INVS: variants seen among roughly 807,000 people sequenced by gnomAD.
INVS encodes the protein inversin.
INVS carries 86 observed loss-of-function variants against 108.8 expected under a neutral mutation model. The ratio of observed to expected loss-of-function variants is 0.79; its 90% confidence interval spans 0.66 to 0.95. The LOEUF is 0.95. Ranked by LOEUF, INVS falls within the 40% of genes least tolerant of loss-of-function variation. The pLI, the probability that INVS is intolerant of heterozygous loss-of-function variation, is 0.00. For missense variants in INVS, 1,169 were observed against 1,297.4 expected (o/e 0.90, Z 1.52); for synonymous variants, 455 against 473.5 (o/e 0.96, Z 0.51).
At chr9:100,288,397 T>C (rs1206780547) in intron 13 of INVS, among the ~76,000 whole-genome samples, 2 of 152,220 alleles carry the variant, frequency 1.3e-5, no homozygotes, top group Admixed American at 6.5e-5. Flanking sequence ...AATAATGCGA[T>C]TATCTCAAAA....
In INVS at chr9:100,226,154, C is replaced by T. The variant is rs747606826; in HGVS notation, c.366C>T (p.Thr122=). 37 of 1,613,872 alleles carry T rather than the reference C, an allele frequency of 2.3e-5. No individual in the cohort carries two copies. Among genetic ancestry groups the T allele is most frequent in the Middle Eastern group, 3.3e-4 (2 of 6,084 alleles). The stretch of plus-strand genomic sequence containing the variant: ...AGATGACTCCTTTGCACTTGACCAC[C>T]CGGCACAGGAGCCCTAAGTGTTTGG... ...LEEMTPLHLT[T]RHRSPKCLAL... is the part of the protein sequence containing the mutation. The change falls in exon 4 of 17, where the codon ACC becomes ACT. Residue 122 remains threonine, a synonymous_variant. Coordinates refer to ENST00000262457, the MANE Select transcript of INVS (RefSeq NM_014425.5).
chr9:100,249,751 C>A (rs1004836406), intron 8 of INVS, among the ~76,000 whole-genome samples: 1 of 151,366 alleles, frequency 6.6e-6, no homozygotes, highest in African/African-American at 2.4e-5. Context: ...ACCTCGGCCT[C>A]CCAAAGTGCT....
chr9:100,260,198 T>C (rs13290330), intron 10 of INVS, among the ~76,000 whole-genome samples: 1,623 of 147,398 alleles, frequency 0.011, 20 homozygotes, highest in African/African-American at 0.016. Context: ...TTTTTTTTTT[T>C]TTTTTTTTGA....
intron 3 of INVS, among the ~76,000 whole-genome samples, chr9:100,136,658 T>G (rs1228655020): frequency 6.6e-6 from 1 of 152,118 alleles, no homozygotes; most frequent in Non-Finnish European, 1.5e-5. Context: ...TTGAACACGT[T>G]TAAATGTTAA....
chr9:100,104,947 T>G (rs1588000625), intron 2 of INVS, among the ~76,000 whole-genome samples: 1 of 152,288 alleles, frequency 6.6e-6, no homozygotes, highest in Non-Finnish European at 1.5e-5. Context: ...CTTTTAACAT[T>G]TAATATATAC....
chr9:100,112,192 G>A (rs936312271), intron 2 of INVS, among the ~76,000 whole-genome samples: 13 of 152,162 alleles, frequency 8.5e-5, no homozygotes, highest in African/African-American at 1.7e-4. Flanking sequence ...GACTGGTCTC[G>A]AACTCCTGAC....
chr9:100,276,578 A>C (rs547074112), intron 12 of INVS, among the ~76,000 whole-genome samples: 1 of 152,132 alleles, frequency 6.6e-6, no homozygotes, highest in Admixed American at 6.5e-5. Flanking sequence ...GCTCGATCTC[A>C]GCTCACTGCA....
chr9:100,258,309 C>A (rs1832492648), intron 10 of INVS, among the ~76,000 whole-genome samples: 1 of 152,120 alleles, frequency 6.6e-6, no homozygotes, highest in Non-Finnish European at 1.5e-5. Flanking sequence ...TTCGTCTAAT[C>A]TTTTTCCAAA....
At chr9:100,298,279 A>C (rs1833850044) in intron 16 of INVS, 2 of 1,334,520 alleles carry the variant, frequency 1.5e-6, no homozygotes, top group African/African-American at 3.0e-5. Flanking sequence ...TTTCACACAA[A>C]GGAAATAAAT....
intron 4 of INVS, among the ~76,000 whole-genome samples, chr9:100,226,766 T>C (rs919990039): frequency 3.8e-5 from 5 of 133,028 alleles, no homozygotes; most frequent in African/African-American, 1.4e-4. Context: ...TGAGCCCAGA[T>C]AGTGCCACTG....
chr9:100,128,411 G>A (rs781494778), intron 3 of INVS, among the ~76,000 whole-genome samples: 7 of 152,080 alleles, frequency 4.6e-5, no homozygotes, highest in Non-Finnish European at 1.0e-4. Context: ...CTTGCCAAAA[G>A]CAGTAATGGA....
At chr9:100,259,875 C>G (rs1049887514) in intron 10 of INVS, among the ~76,000 whole-genome samples, 9 of 151,002 alleles carry the variant, frequency 6.0e-5, no homozygotes, top group Admixed American at 4.6e-4. Context: ...CTTTTCTTTT[C>G]TTTTTTTGTT....
chr9:100,100,692 A>ACATATAATATATATAT (rs1826840712), intron 1 of INVS, among the ~76,000 whole-genome samples: 2 of 1,676 alleles, frequency 1.2e-3, no homozygotes, highest in Non-Finnish European at 1.7e-3. Context: ...TATATATATT[A>ACATATAATATATATAT]TATATGTACA....
At chr9:100,116,536 A>G (rs1827536026) in intron 2 of INVS, among the ~76,000 whole-genome samples, 1 of 152,080 alleles carries the variant, frequency 6.6e-6, no homozygotes, top group Admixed American at 6.5e-5. Context: ...ATTTTTCTTA[A>G]TTGTGTTTTC....
intron 7 of INVS, among the ~76,000 whole-genome samples, chr9:100,244,390 GAAAACAAAAC>G (rs1392431889): frequency 6.6e-6 from 1 of 151,988 alleles, no homozygotes; most frequent in African/African-American, 2.4e-5. Flanking sequence ...CCTGTTTACA[GAAAACAAAAC>G]AAAACAAAAC....
At chr9:100,122,561 ATTTTAAGTGAG>A (rs1198561562) in intron 2 of INVS, among the ~76,000 whole-genome samples, 1 of 79,184 alleles carries the variant, frequency 1.3e-5, no homozygotes, top group Non-Finnish European at 2.6e-5. Context: ...ATGTTATTGT[ATTTTAAGTGAG>A]TTTCTTTTTT....
intron 3 of INVS, among the ~76,000 whole-genome samples, chr9:100,169,341 T>C (rs2787398): frequency 0.47 from 71,750 of 151,964 alleles, 18,182 homozygotes; most frequent in African/African-American, 0.67. Flanking sequence ...ATACTTACGC[T>C]GTACTCCTTT....
At chr9:100,280,129 T>G (rs73655141) in intron 12 of INVS, among the ~76,000 whole-genome samples, 2,028 of 152,304 alleles carry the variant, frequency 0.013, 33 homozygotes, top group African/African-American at 0.047. Context: ...TCCAGGCTAG[T>G]GATTTGTAAA....
chr9:100,290,484 G>C (rs372664136), intron 13 of INVS, among the ~76,000 whole-genome samples: 1 of 151,964 alleles, frequency 6.6e-6, no homozygotes, highest in South Asian at 2.1e-4. Flanking sequence ...GGAGTAGCTG[G>C]GATTACAGGC....
Sources: allele counts gnomAD v4.1 joint callset (sites outside exome capture counted in the v4.1 genomes callset), GRCh38; gene constraint gnomAD v4.1.1; transcripts MANE v1.5; gene names NCBI Gene and HGNC (gene_info 2026-07-23, HGNC 2026-07-21).